Variants in ZC3H12B observed in about 807,000 individuals in gnomAD.
ZC3H12B encodes the protein probable ribonuclease ZC3H12B.
Under a neutral mutation model 43.9 loss-of-function variants are expected in ZC3H12B, and 7 were observed. The observed-to-expected ratio is 0.16, with a 90% CI of 0.09 to 0.30. The LOEUF (loss-of-function observed/expected upper bound fraction) is 0.30. ZC3H12B is among the 10% of genes least tolerant of loss of function. ZC3H12B has a pLI of 1.00. For synonymous variants in ZC3H12B, 222 were observed against 241.7 expected (o/e 0.92, Z 0.76); for missense variants, 475 against 670.2 (o/e 0.71, Z 3.22).
chrX:65,202,000 C>T, the ZC3H12B span, among the ~76,000 whole-genome samples: 1 of 96,832 alleles, frequency 1.0e-5, no homozygotes, highest in Admixed American at 1.2e-4. Flanking sequence ...CCATGCAGAA[C>T]TCTGAGTCAA....
intron 3 of ZC3H12B, among the ~76,000 whole-genome samples, chrX:65,419,777 C>T (rs1244054739): frequency 9.1e-6 from 1 of 110,443 alleles, no homozygotes; most frequent in African/African-American, 3.3e-5. Context: ...CCAGGATAGC[C>T]TCCATAGATC....
At chrX:65,173,067 T>C in the ZC3H12B span, among the ~76,000 whole-genome samples, 1 of 112,218 alleles carries the variant, frequency 8.9e-6, no homozygotes, top group Non-Finnish European at 1.9e-5. Flanking sequence ...GCATAGAATG[T>C]TTCTCCATTT....
chrX:65,359,583 G>T, the ZC3H12B span, among the ~76,000 whole-genome samples: 46 of 111,828 alleles, frequency 4.1e-4, no homozygotes, highest in East Asian at 0.012. Flanking sequence ...GAAATAGCAA[G>T]AAAACTAGAA....
At chrX:65,090,498 G>A in the ZC3H12B span, among the ~76,000 whole-genome samples, 1 of 111,608 alleles carries the variant, frequency 9.0e-6, no homozygotes, top group South Asian at 3.7e-4. Flanking sequence ...GTTTATCTAG[G>A]TTTCTTCCCT....
At chrX:65,186,796 A>C in the ZC3H12B span, among the ~76,000 whole-genome samples, 7 of 111,599 alleles carry the variant, frequency 6.3e-5, no homozygotes, top group Non-Finnish European at 1.3e-4. Context: ...TTGGTTTTTC[A>C]TTCCTGAGTT....
At chrX:65,122,837 A>G in the ZC3H12B span, among the ~76,000 whole-genome samples, 1 of 111,771 alleles carries the variant, frequency 8.9e-6, no homozygotes, top group African/African-American at 3.2e-5. Context: ...AGAGCTAACT[A>G]TCCTAAATAT....
chrX:65,065,152 A>G, the ZC3H12B span, among the ~76,000 whole-genome samples: 3 of 110,231 alleles, frequency 2.7e-5, no homozygotes, highest in African/African-American at 1.0e-4. Flanking sequence ...TTTAAGGTCA[A>G]TATTGTTTTG....
At chrX:65,270,308 GT>G in the ZC3H12B span, among the ~76,000 whole-genome samples, 1 of 111,799 alleles carries the variant, frequency 8.9e-6, no homozygotes, top group African/African-American at 3.2e-5. Flanking sequence ...AATAAATGGT[GT>G]TGGGAAAACT....
the ZC3H12B span, among the ~76,000 whole-genome samples, chrX:65,298,596 T>C: frequency 5.6e-4 from 63 of 111,558 alleles, no homozygotes; most frequent in African/African-American, 1.9e-3. Flanking sequence ...ATTCCTCTTC[T>C]GGGTATATAC....
the ZC3H12B span, among the ~76,000 whole-genome samples, chrX:65,290,254 A>G: frequency 1.8e-5 from 2 of 111,074 alleles, no homozygotes; most frequent in Non-Finnish European, 3.8e-5. Context: ...TAATCACCAG[A>G]AAAATGAATA....
At chrX:65,378,547 G>GA (rs2148001643) in intron 2 of ZC3H12B, among the ~76,000 whole-genome samples, 1 of 112,296 alleles carries the variant, frequency 8.9e-6, no homozygotes, top group South Asian at 3.7e-4. Context: ...AGGAAGGAAA[G>GA]AAAAAAGACT....
chrX:65,149,677 T>C, the ZC3H12B span, among the ~76,000 whole-genome samples: 1 of 107,407 alleles, frequency 9.3e-6, no homozygotes, highest in East Asian at 2.9e-4. Context: ...GGCAGGAGAA[T>C]GGCGTGAACC....
intron 2 of ZC3H12B, among the ~76,000 whole-genome samples, chrX:65,383,762 AAAAC>A (rs768571040): frequency 3.6e-5 from 4 of 111,959 alleles, no homozygotes; most frequent in Non-Finnish European, 5.6e-5. Context: ...TACAAGAAAA[AAAAC>A]AAACAACCCC....
chrX:65,218,216 TC>T, the ZC3H12B span, among the ~76,000 whole-genome samples: 1 of 112,093 alleles, frequency 8.9e-6, no homozygotes, highest in Non-Finnish European at 1.9e-5. Flanking sequence ...AACTTGCAGC[TC>T]CCTCTTAGAT....
chrX:65,233,375 A>G, the ZC3H12B span, among the ~76,000 whole-genome samples: 1 of 111,796 alleles, frequency 8.9e-6, no homozygotes, highest in Non-Finnish European at 1.9e-5. Context: ...GTAATTCAAA[A>G]AAATTGAAAT....
chrX:65,211,359 A>C, the ZC3H12B span, among the ~76,000 whole-genome samples: 1 of 109,096 alleles, frequency 9.2e-6, no homozygotes, highest in Non-Finnish European at 1.9e-5. Flanking sequence ...ATTAACAATA[A>C]TAAAATAACA....
intron 2 of ZC3H12B, among the ~76,000 whole-genome samples, chrX:65,383,231 C>T (rs189475346): frequency 8.9e-6 from 1 of 112,105 alleles, no homozygotes; most frequent in African/African-American, 3.2e-5. Context: ...ACCAAAACAG[C>T]ATGGTACTGG....
chrX:65,408,007 C>T, intron 3 of ZC3H12B: 2 of 1,070,480 alleles, frequency 1.9e-6, no homozygotes, highest in South Asian at 2.3e-5. Context: ...CTTAATTTTC[C>T]TCGGCGGGAT....
the ZC3H12B span, among the ~76,000 whole-genome samples, chrX:65,056,703 C>T: frequency 9.0e-6 from 1 of 110,971 alleles, no homozygotes; most frequent in African/African-American, 3.3e-5. Flanking sequence ...TAAAATCTCC[C>T]ATTATTATTG....
Sources: gnomAD v4.1 joint callset for allele counts (sites outside exome capture counted in the v4.1 genomes callset) on GRCh38, gnomAD v4.1.1 for gene constraint, MANE v1.5 for transcripts, NCBI Gene and HGNC (gene_info 2026-07-23, HGNC 2026-07-21) for gene names.